SNX29: variants seen among roughly 807,000 people sequenced by gnomAD.
The protein encoded by SNX29 is sorting nexin-29.
In SNX29, 78 loss-of-function variants were observed where a neutral mutation model predicts 102.1. The observed-to-expected ratio is 0.76, with a 90% CI of 0.64 to 0.92. The LOEUF (loss-of-function observed/expected upper bound fraction) is 0.92. Ranked by LOEUF, SNX29 falls within the 40% of genes least tolerant of loss-of-function variation. SNX29 has a pLI of 0.00. For synonymous variants in SNX29, 580 were observed against 414.5 expected (o/e 1.40, Z -4.85); for missense variants, 1,280 against 1,061.7 (o/e 1.21, Z -2.86).
At chr16:12,199,134 A>G (rs2076851593) in intron 13 of SNX29, among the ~76,000 whole-genome samples, 2 of 152,230 alleles carry the variant, frequency 1.3e-5, no homozygotes, top group Admixed American at 6.5e-5. Flanking sequence ...AGGAGATTCT[A>G]TACAGACACT....
At chr16:12,232,942 G>C (rs980916827) in intron 14 of SNX29, among the ~76,000 whole-genome samples, 6 of 152,212 alleles carry the variant, frequency 3.9e-5, no homozygotes, top group African/African-American at 9.7e-5. Context: ...GGTCCACCCG[G>C]AACTTGTCCT....
intron 9 of SNX29, among the ~76,000 whole-genome samples, chr16:12,062,055 T>C (rs749385133): frequency 6.6e-6 from 1 of 151,998 alleles, no homozygotes; most frequent in Non-Finnish European, 1.5e-5. Context: ...TGCAGAAAAG[T>C]GCTTGGGGAT....
intron 11 of SNX29, among the ~76,000 whole-genome samples, chr16:12,103,276 G>C (rs2053094478): frequency 6.6e-6 from 1 of 152,164 alleles, no homozygotes; most frequent in Non-Finnish European, 1.5e-5. Context: ...AACAAAGCTG[G>C]AGGCTTCATG....
intron 19 of SNX29, among the ~76,000 whole-genome samples, chr16:12,489,051 A>G (rs1231272479): frequency 6.6e-6 from 1 of 152,196 alleles, no homozygotes; most frequent in Non-Finnish European, 1.5e-5. Flanking sequence ...AAGCCTTCTG[A>G]AAAGACTTAA....
intron 8 of SNX29, chr16:12,053,402 G>A (rs536733251): frequency 1.3e-5 from 2 of 151,534 alleles, no homozygotes; most frequent in South Asian, 4.2e-4. Flanking sequence ...GTCCATTAAA[G>A]TGTAAAATGA....
intron 20 of SNX29, 147 bp downstream of exon 20, chr16:12,524,988 C>T (rs1383270599): frequency 8.5e-7 from 1 of 1,170,872 alleles, no homozygotes. Flanking sequence ...TTCCAGGTGC[C>T]AAAGTGGAGG....
intron 11 of SNX29, among the ~76,000 whole-genome samples, chr16:12,105,096 G>A (rs1377037914): frequency 6.6e-6 from 1 of 152,210 alleles, no homozygotes; most frequent in Non-Finnish European, 1.5e-5. Context: ...AGTCTTCAGA[G>A]CATGAGGCAA....
chr16:12,567,350 G>C (rs188028331), intron 20 of SNX29, among the ~76,000 whole-genome samples: 1 of 152,250 alleles, frequency 6.6e-6, no homozygotes, highest in East Asian at 1.9e-4. Flanking sequence ...GATCCTGTTA[G>C]GTTTTTGCCT....
chr16:12,237,837 G>A (rs1043212626), intron 14 of SNX29, among the ~76,000 whole-genome samples: 1 of 152,236 alleles, frequency 6.6e-6, no homozygotes, highest in East Asian at 1.9e-4. Flanking sequence ...GAACCCGGGA[G>A]ATGGAGGTTG....
At chr16:12,528,748 C>T (rs1157622962) in intron 20 of SNX29, among the ~76,000 whole-genome samples, 3 of 152,252 alleles carry the variant, frequency 2.0e-5, no homozygotes, top group Admixed American at 6.5e-5. Context: ...CCATTTGAAT[C>T]TGTGGACATC....
chr16:12,353,370 C>T (rs1044553955), intron 15 of SNX29, among the ~76,000 whole-genome samples: 1 of 152,232 alleles, frequency 6.6e-6, no homozygotes, highest in African/African-American at 2.4e-5. Context: ...AACCAGCTCT[C>T]ATCCACTGGG....
chr16:12,337,909 G>A (rs555174322), intron 15 of SNX29, among the ~76,000 whole-genome samples: 2 of 152,332 alleles, frequency 1.3e-5, no homozygotes, highest in South Asian at 2.1e-4. Context: ...AGTTTCTGCA[G>A]CCGAGGAACG....
intron 15 of SNX29, among the ~76,000 whole-genome samples, chr16:12,299,382 C>G (rs1233468116): frequency 2.0e-5 from 3 of 152,128 alleles, no homozygotes; most frequent in Non-Finnish European, 4.4e-5. Context: ...TTGTGATATT[C>G]AAGTTGTCCT....
At chr16:11,979,254 A>C (rs2055364648) in intron 1 of SNX29, among the ~76,000 whole-genome samples, 1 of 131,020 alleles carries the variant, frequency 7.6e-6, no homozygotes. Context: ...CAGCCTGGGC[A>C]ACAGAGTGAG....
intron 16 of SNX29, among the ~76,000 whole-genome samples, chr16:12,376,453 G>A (rs1039808630): frequency 1.3e-5 from 2 of 152,148 alleles, no homozygotes; most frequent in Non-Finnish European, 2.9e-5. Flanking sequence ...TCTGTGGCAG[G>A]GGCCAGGCAT....
chr16:12,058,488 G>GTGT (rs2050613836), intron 8 of SNX29, among the ~76,000 whole-genome samples: 1 of 26,174 alleles, frequency 3.8e-5, no homozygotes, highest in Non-Finnish European at 8.5e-5. Flanking sequence ...TTTTTTTTTG[G>GTGT]TTTTTGGTTT....
In SNX29 at chr16:12,571,363, A is replaced by G. The variant is rs143813520; in HGVS notation, c.*2734A>G. 2.6e-5 allele frequency: 6 copies of G among 231,178 alleles called. No homozygotes were observed. The highest frequency in any genetic ancestry group is 4.4e-5 in the African/African-American group (2 of 45,194). 14.3% of individuals were successfully genotyped at this position (231,178 alleles called of 1,614,324 possible). On this transcript the variant is annotated 3_prime_UTR_variant, in exon 21 of 21. Coordinates refer to ENST00000566228, the MANE Select transcript of SNX29 (RefSeq NM_032167.5). ...TGAGGGCTAAGCCACGACCTTATCC[A>G]TGAGTGGCGAAGACACCCCTGAGGA...
intron 13 of SNX29, among the ~76,000 whole-genome samples, chr16:12,155,983 C>T (rs1256614365): frequency 6.6e-6 from 1 of 152,214 alleles, no homozygotes; most frequent in African/African-American, 2.4e-5. Flanking sequence ...GTGCTCCCAT[C>T]ATCTCTCTCT....
chr16:12,483,106 GTTA>G (rs1246678590), intron 19 of SNX29, among the ~76,000 whole-genome samples: 2 of 95,428 alleles, frequency 2.1e-5, no homozygotes, highest in African/African-American at 7.9e-5. Context: ...ACATATTGAA[GTTA>G]TTAAGTTTTT....
Sources: allele counts gnomAD v4.1 joint callset (sites outside exome capture counted in the v4.1 genomes callset), GRCh38; gene constraint gnomAD v4.1.1; transcripts MANE v1.5; gene names NCBI Gene and HGNC (gene_info 2026-07-23, HGNC 2026-07-21).